The following FOXP2 variants were observed in gnomAD, a reference collection of about 807,000 sequenced individuals.
The protein encoded by FOXP2 is forkhead box P2, also known as forkhead box protein P2.
FOXP2 carries 12 observed loss-of-function variants against 115.8 expected under a neutral mutation model. That is an observed-to-expected ratio of 0.10 (90% CI 0.07 to 0.17). The LOEUF (loss-of-function observed/expected upper bound fraction) is 0.17. Ranked by LOEUF, FOXP2 falls within the 10% of genes least tolerant of loss-of-function variation. FOXP2 has a pLI of 1.00. For synonymous variants in FOXP2, 328 were observed against 297.7 expected, an observed-to-expected ratio of 1.10 and a Z score of -1.05; for missense variants, 629 against 843.5, an observed-to-expected ratio of 0.75 and a Z score of 3.15.
intron 1 of FOXP2, among the ~76,000 whole-genome samples, chr7:114,176,219 G>T (rs969912397): frequency 1.8e-4 from 26 of 145,192 alleles, no homozygotes; most frequent in African/African-American, 7.2e-4. Flanking sequence ...GTCTTGTCTT[G>T]TCTTGTCTTG....
intron 16 of FOXP2, among the ~76,000 whole-genome samples, chr7:114,689,452 C>G (rs1390584870): frequency 6.6e-6 from 1 of 152,134 alleles, no homozygotes; most frequent in East Asian, 1.9e-4. Flanking sequence ...TATTTGTTTA[C>G]TATTCCTTTA....
At chr7:114,644,817 G>A (rs868593823) in intron 8 of FOXP2, 28 bp downstream of exon 8, 1 of 1,563,038 alleles carries the variant, frequency 6.4e-7, no homozygotes, top group Non-Finnish European at 8.8e-7. Flanking sequence ...TTTTGGTGGG[G>A]GGCGGGGGCT....
At chr7:114,549,798 T>A (rs944833041) in intron 3 of FOXP2, among the ~76,000 whole-genome samples, 11 of 151,652 alleles carry the variant, frequency 7.3e-5, no homozygotes, top group Non-Finnish European at 1.5e-4. Context: ...TAAAAAAAAA[T>A]AGTATAATAA....
chr7:114,571,824 G>A (rs1160616465), intron 3 of FOXP2, among the ~76,000 whole-genome samples: 12 of 151,634 alleles, frequency 7.9e-5, no homozygotes, highest in Admixed American at 5.3e-4. Flanking sequence ...ATGGATTTTG[G>A]TATCTATGTG....
At chr7:114,159,482 T>C (rs563742226), upstream of FOXP2, among the ~76,000 whole-genome samples, 1 of 136,184 alleles carries the variant, frequency 7.3e-6, no homozygotes, top group Admixed American at 7.9e-5. Flanking sequence ...TGTAACAGCA[T>C]CATGGAAAGT....
In FOXP2 at chr7:114,180,487, C is replaced by T. The variant is rs144415876; in HGVS notation, c.-102+17399C>T. 2.6e-3 allele frequency among the ~76,000 whole-genome samples: 395 copies of T among 152,064 alleles called. 3 individuals are homozygous for T. Among genetic ancestry groups the T allele is most frequent in the African/African-American group, 9.1e-3 (377 of 41,546 alleles). The stretch of plus-strand genomic sequence containing the variant: ...TTTGTGTCTCTAGCTCATATTTCTT[C>T]TCTGAATTTGAGATCTGAATTTACA... On this transcript the variant is annotated intron_variant, in intron 1 of 17. Transcript: ENST00000634411.
At chr7:114,352,367 G>T (rs1257943848) in intron 2 of FOXP2, among the ~76,000 whole-genome samples, 1 of 152,156 alleles carries the variant, frequency 6.6e-6, no homozygotes, top group Non-Finnish European at 1.5e-5. Flanking sequence ...TCTTCACATT[G>T]TGTTCACTTA....
intron 1 of FOXP2, among the ~76,000 whole-genome samples, chr7:114,263,833 G>A (rs1795822497): frequency 6.6e-6 from 1 of 151,740 alleles, no homozygotes; most frequent in African/African-American, 2.4e-5. Flanking sequence ...TCGGCCTCGA[G>A]CTGGCTTCTA....
intron 2 of FOXP2, among the ~76,000 whole-genome samples, chr7:114,480,539 A>T (rs1196647449): frequency 6.6e-6 from 1 of 150,394 alleles, no homozygotes; most frequent in African/African-American, 2.4e-5. Flanking sequence ...ATGCACACAC[A>T]CATAGACACA....
chr7:114,132,570 TGTGTGTGTGTGTGAGAGAGA>T (rs1791913058), intron 1 of FOXP2, among the ~76,000 whole-genome samples: 2 of 132,364 alleles, frequency 1.5e-5, no homozygotes, highest in African/African-American at 5.8e-5. Context: ...TGTGTGTGTG[TGTGTGTGTGTGTGAGAGAGA>T]GAGAGAGAGA....
intron 1 of FOXP2, among the ~76,000 whole-genome samples, chr7:114,108,238 G>C (rs1177440416): frequency 2.0e-5 from 3 of 151,672 alleles, no homozygotes; most frequent in African/African-American, 7.3e-5. Flanking sequence ...AGAATTAATT[G>C]ACCTGACCAT....
intron 2 of FOXP2, among the ~76,000 whole-genome samples, chr7:114,493,332 C>G (rs1797157484): frequency 6.6e-6 from 1 of 152,048 alleles, no homozygotes; most frequent in Non-Finnish European, 1.5e-5. Context: ...TTCCTGAATA[C>G]AGCACACTGA....
chr7:114,561,545 C>T (rs1411250382), intron 3 of FOXP2: 2 of 152,138 alleles, frequency 1.3e-5, no homozygotes, highest in Non-Finnish European at 1.5e-5. Flanking sequence ...AATTTCTTCT[C>T]TTAAGGAAAT....
intron 1 of FOXP2, among the ~76,000 whole-genome samples, chr7:114,104,064 G>T (rs1370739721): frequency 6.6e-6 from 1 of 151,518 alleles, no homozygotes; most frequent in East Asian, 1.9e-4. Context: ...AAGATTTTTG[G>T]TTCGTAGGTC....
chr7:114,088,477 G>A (rs1310250446), intron 1 of FOXP2, among the ~76,000 whole-genome samples: 3 of 152,216 alleles, frequency 2.0e-5, no homozygotes, highest in African/African-American at 4.8e-5. Flanking sequence ...AGCTGAAGTG[G>A]ACGTTTTCCA....
At chr7:114,642,663 A>T in intron 7 of FOXP2, 40 bp downstream of exon 7, 1 of 1,577,874 alleles carries the variant, frequency 6.3e-7, no homozygotes, top group Non-Finnish European at 8.7e-7. Flanking sequence ...ATCTATTTTC[A>T]GATTTTATTT....
chr7:114,442,336 C>T (rs545450575), intron 2 of FOXP2, among the ~76,000 whole-genome samples: 16 of 142,574 alleles, frequency 1.1e-4, no homozygotes, highest in African/African-American at 2.4e-4. Flanking sequence ...TATCTGCAAA[C>T]GGGCAAGAGG....
chr7:114,194,314 C>T (rs1420581699), intron 1 of FOXP2, among the ~76,000 whole-genome samples: 5 of 151,470 alleles, frequency 3.3e-5, no homozygotes, highest in African/African-American at 1.2e-4. Flanking sequence ...TTTGCCTTTT[C>T]TTCTTTTATC....
chr7:114,482,657 G>T (rs1463211454), intron 2 of FOXP2, among the ~76,000 whole-genome samples: 7 of 151,434 alleles, frequency 4.6e-5, no homozygotes. Context: ...TCTATGCAAT[G>T]AACACATGTA....
Sources: allele counts gnomAD v4.1 joint callset (sites outside exome capture counted in the v4.1 genomes callset), GRCh38; gene constraint gnomAD v4.1.1; transcripts MANE v1.5; gene names NCBI Gene and HGNC (gene_info 2026-07-23, HGNC 2026-07-21).